CACNB2: variants seen among roughly 807,000 people sequenced by gnomAD.
CACNB2 encodes the protein voltage-dependent L-type calcium channel subunit beta-2.
A neutral mutation model predicts 73.3 loss-of-function variants in CACNB2; 42 were observed. That is an observed-to-expected ratio of 0.57 (90% CI 0.45 to 0.74). The LOEUF (loss-of-function observed/expected upper bound fraction) is 0.74. Among genes scored for constraint, CACNB2 ranks in the 30% least tolerant of loss-of-function variants. CACNB2 has a pLI of 0.00. For missense variants in CACNB2, 940 were observed against 853.0 expected (o/e 1.10, Z -1.27); for synonymous variants, 348 against 310.3 (o/e 1.12, Z -1.28).
At chr10:18,399,444 T>C (rs1224168326) in intron 2 of CACNB2, among the ~76,000 whole-genome samples, 1 of 152,212 alleles carries the variant, frequency 6.6e-6, no homozygotes, top group East Asian at 1.9e-4. Flanking sequence ...ATCACTAACT[T>C]TCATTCTGAA....
intron 2 of CACNB2, among the ~76,000 whole-genome samples, chr10:18,342,899 T>A (rs541258747): frequency 4.6e-5 from 7 of 152,186 alleles, no homozygotes; most frequent in Non-Finnish European, 1.0e-4. Flanking sequence ...GAATGCTGAA[T>A]AAACTGTGTG....
chr10:18,173,452 G>A (rs1437262412), intron 2 of CACNB2, among the ~76,000 whole-genome samples: 1 of 152,172 alleles, frequency 6.6e-6, no homozygotes, highest in East Asian at 1.9e-4. Context: ...GCTTATGTTA[G>A]GATGGTGTAT....
At chr10:18,186,149 G>A (rs1230159754) in intron 2 of CACNB2, among the ~76,000 whole-genome samples, 1 of 152,124 alleles carries the variant, frequency 6.6e-6, no homozygotes, top group Non-Finnish European at 1.5e-5. Flanking sequence ...GCCAGGCATG[G>A]TAGCGCACAC....
chr10:18,381,326 A>G (rs1194525846), intron 2 of CACNB2, among the ~76,000 whole-genome samples: 2 of 151,904 alleles, frequency 1.3e-5, no homozygotes, highest in Non-Finnish European at 2.9e-5. Flanking sequence ...ATAAATTGGT[A>G]AAACCATTTG....
At chr10:18,532,714 CAAACAAAAA>C (rs1428056818) in intron 10 of CACNB2, among the ~76,000 whole-genome samples, 1 of 103,982 alleles carries the variant, frequency 9.6e-6, no homozygotes, top group African/African-American at 3.6e-5. Context: ...AAAAAACAAA[CAAACAAAAA>C]AAACAAAAAA....
At chr10:18,162,701 C>G (rs76111180) in intron 2 of CACNB2, among the ~76,000 whole-genome samples, 6,767 of 152,184 alleles carry the variant, frequency 0.044, 213 homozygotes, top group Middle Eastern at 0.11. Flanking sequence ...TAGGTAAGAA[C>G]CAGCTCCTAG....
intron 3 of CACNB2, among the ~76,000 whole-genome samples, chr10:18,460,184 A>C (rs1239952888): frequency 6.6e-6 from 1 of 152,206 alleles, no homozygotes; most frequent in Non-Finnish European, 1.5e-5. Context: ...GGGAGAGATT[A>C]GGAGTGTTGT....
chr10:18,278,621 G>A (rs1341370119), intron 2 of CACNB2, among the ~76,000 whole-genome samples: 3 of 151,822 alleles, frequency 2.0e-5, no homozygotes, highest in African/African-American at 4.8e-5. Context: ...AATTTTATTT[G>A]CGATAAGGGA....
chr10:18,515,132 T>C (rs1283965549), intron 7 of CACNB2: 12 of 1,030,046 alleles, frequency 1.2e-5, no homozygotes, highest in Non-Finnish European at 1.8e-5. Context: ...CTTTGGACAG[T>C]GCAGCCAGTG....
chr10:18,417,509 C>T lies in CACNB2; in HGVS notation c.333+15466C>T, dbSNP rs967434290. On this transcript the variant is annotated intron_variant, in intron 3 of 13. Transcript: ENST00000324631. ...TCAGCCTCCCTAGTAGCTGGGATTA[C>T]GGGCACACACCACCACACCCGGCTA... 7.3e-5 allele frequency among the ~76,000 whole-genome samples: 11 copies of T among 151,702 alleles called. No individual in the cohort carries two copies. The East Asian group carries it at 7.7e-4, about 11-fold the overall frequency.
intron 2 of CACNB2, among the ~76,000 whole-genome samples, chr10:18,399,884 C>G (rs188098967): frequency 2.0e-4 from 31 of 152,244 alleles, no homozygotes; most frequent in Middle Eastern, 3.4e-3. Context: ...ACTTTAGTGT[C>G]TTTCCTTCTT....
intron 2 of CACNB2, among the ~76,000 whole-genome samples, chr10:18,254,048 T>C (rs1317973513): frequency 6.6e-6 from 1 of 152,180 alleles, no homozygotes; most frequent in Admixed American, 6.5e-5. Context: ...GAGTCCATTT[T>C]TGATGTTTTT....
chr10:18,241,867 T>C (rs977805086), intron 2 of CACNB2, among the ~76,000 whole-genome samples: 1 of 152,164 alleles, frequency 6.6e-6, no homozygotes, highest in Admixed American at 6.5e-5. Flanking sequence ...AATGAGCTTC[T>C]ACGTCATGTA....
chr10:18,416,262 C>T (rs2044954564), intron 3 of CACNB2, among the ~76,000 whole-genome samples: 1 of 152,208 alleles, frequency 6.6e-6, no homozygotes, highest in Non-Finnish European at 1.5e-5. Flanking sequence ...CAAGATTCAT[C>T]TATGTTGTCC....
chr10:18,371,507 C>T (rs1229013764), intron 2 of CACNB2, among the ~76,000 whole-genome samples: 1 of 152,148 alleles, frequency 6.6e-6, no homozygotes, highest in Admixed American at 6.5e-5. Flanking sequence ...TGGTTTCCAG[C>T]TTCATCCATG....
At chr10:18,170,105 T>C (rs546006025) in intron 2 of CACNB2, among the ~76,000 whole-genome samples, 39 of 152,312 alleles carry the variant, frequency 2.6e-4, no homozygotes, top group Admixed American at 6.5e-4. Context: ...AACTAATCAC[T>C]GAGGCTGGGG....
intron 2 of CACNB2, among the ~76,000 whole-genome samples, chr10:18,298,486 C>T (rs2039370663): frequency 6.6e-6 from 1 of 152,182 alleles, no homozygotes; most frequent in Non-Finnish European, 1.5e-5. Flanking sequence ...ATTTTAAATG[C>T]CACAGGTGAG....
At chr10:18,413,249 G>T (rs535860446) in intron 3 of CACNB2, among the ~76,000 whole-genome samples, 1 of 152,280 alleles carries the variant, frequency 6.6e-6, no homozygotes, top group Admixed American at 6.5e-5. Context: ...TGGGATTACG[G>T]GCATGAGCCA....
intron 3 of CACNB2, among the ~76,000 whole-genome samples, chr10:18,437,506 G>A (rs1046291963): frequency 1.3e-5 from 2 of 152,208 alleles, no homozygotes; most frequent in African/African-American, 4.8e-5. Flanking sequence ...ACAGAAGAGA[G>A]AAAACATGAG....
Sources: allele counts gnomAD v4.1 joint callset (sites outside exome capture counted in the v4.1 genomes callset), GRCh38; gene constraint gnomAD v4.1.1; transcripts MANE v1.5; gene names NCBI Gene and HGNC (gene_info 2026-07-23, HGNC 2026-07-21).